The following ADCY2 variants were observed in gnomAD, a reference collection of about 807,000 sequenced individuals.
ADCY2 encodes the protein adenylate cyclase type 2.
ADCY2 carries 31 observed loss-of-function variants against 125.2 expected under a neutral mutation model. The ratio of observed to expected loss-of-function variants is 0.25; its 90% CI spans 0.19 to 0.33. The LOEUF (loss-of-function observed/expected upper bound fraction) is 0.33. Ranked by LOEUF, ADCY2 falls within the 10% of genes least tolerant of loss-of-function variation. The pLI is 1.00. For missense variants in ADCY2, 904 were observed against 1,418.2 expected (o/e 0.64, Z 5.82); for synonymous variants, 512 against 548.4 (o/e 0.93, Z 0.93).
At chr5:7,565,805 T>C (rs913839797) in intron 3 of ADCY2, among the ~76,000 whole-genome samples, 7 of 152,152 alleles carry the variant, frequency 4.6e-5, no homozygotes, top group Non-Finnish European at 8.8e-5. Flanking sequence ...AGAAACCGCA[T>C]TGCCAAATGA....
chr5:7,787,687 TAGA>T (rs1744124202), intron 19 of ADCY2, among the ~76,000 whole-genome samples: 1 of 66,630 alleles, frequency 1.5e-5, no homozygotes, highest in Admixed American at 2.3e-4. Flanking sequence ...GGTAGGTAGA[TAGA>T]TAGGTAGATA....
intron 1 of ADCY2, among the ~76,000 whole-genome samples, chr5:7,402,649 T>C (rs1739308238): frequency 6.6e-6 from 1 of 152,148 alleles, no homozygotes; most frequent in East Asian, 1.9e-4. Context: ...CTCATAGAGA[T>C]GTGTAAGGCA....
chr5:7,512,237 A>G (rs999241867), intron 2 of ADCY2, among the ~76,000 whole-genome samples: 2 of 149,802 alleles, frequency 1.3e-5, no homozygotes, highest in East Asian at 1.9e-4. Context: ...AAAAAAAAAA[A>G]AAAGAAAACC....
intron 2 of ADCY2, among the ~76,000 whole-genome samples, chr5:7,468,257 C>A (rs527374282): frequency 5.9e-5 from 9 of 152,022 alleles, no homozygotes; most frequent in Non-Finnish European, 1.5e-5. Flanking sequence ...GAATTAAAAT[C>A]GGAGACAGGG....
chr5:7,436,926 T>C (rs1740826504), intron 2 of ADCY2, among the ~76,000 whole-genome samples: 1 of 152,128 alleles, frequency 6.6e-6, no homozygotes, highest in Admixed American at 6.5e-5. Flanking sequence ...ACCTTCCCCA[T>C]GCTGAGTGGT....
At chr5:7,716,785 A>G (rs1260482145) in intron 11 of ADCY2, among the ~76,000 whole-genome samples, 1 of 152,222 alleles carries the variant, frequency 6.6e-6, no homozygotes, top group East Asian at 1.9e-4. Flanking sequence ...GTAGAATGAT[A>G]GATACCAGAG....
chr5:7,808,969 A>G (rs183463672), intron 22 of ADCY2, among the ~76,000 whole-genome samples: 1 of 152,354 alleles, frequency 6.6e-6, no homozygotes, highest in Non-Finnish European at 1.5e-5. Flanking sequence ...ACTGCTTATT[A>G]CTTACTATTA....
At chr5:7,772,106 C>T (rs1356725524) in intron 17 of ADCY2, among the ~76,000 whole-genome samples, 1 of 152,162 alleles carries the variant, frequency 6.6e-6, no homozygotes, top group African/African-American at 2.4e-5. Flanking sequence ...TATGATTACC[C>T]TCATTTTACA....
rs369517622 is a variant in ADCY2 at position 7,542,773 on chromosome 5, A to G, written c.570+21874A>G. On this transcript the variant is annotated intron_variant, in intron 3 of 24. Coordinates refer to ENST00000338316, the MANE Select transcript of ADCY2 (RefSeq NM_020546.3). ...AAAGTCAAACTGATTGTAAGTGTCA[A>G]TCACTTCTGCACAATACCTCCACAG... Among the ~76,000 whole-genome samples the G allele has an allele frequency of 1.2e-3, 187 of 152,318 alleles. 1 individual carries two copies. Among genetic ancestry groups the G allele is most frequent in the African/African-American group, 4.2e-3 (176 of 41,566 alleles).
chr5:7,404,988 TA>T (rs982627219), intron 1 of ADCY2, among the ~76,000 whole-genome samples: 4 of 152,204 alleles, frequency 2.6e-5, no homozygotes, highest in African/African-American at 7.2e-5. Context: ...ATGATCATCC[TA>T]AAAGAAAAAG....
At chr5:7,731,750 C>T (rs1472980049) in intron 14 of ADCY2, among the ~76,000 whole-genome samples, 1 of 152,030 alleles carries the variant, frequency 6.6e-6, no homozygotes, top group Non-Finnish European at 1.5e-5. Flanking sequence ...ATTACAAGCA[C>T]CTGCCACTGC....
intron 4 of ADCY2, among the ~76,000 whole-genome samples, chr5:7,663,180 G>A (rs763166235): frequency 2.6e-5 from 4 of 152,210 alleles, no homozygotes; most frequent in Non-Finnish European, 4.4e-5. Context: ...AATTACTACA[G>A]TAGACAGAGT....
At chr5:7,793,662 T>C (rs566090638) in intron 20 of ADCY2, 1 of 152,332 alleles carries the variant, frequency 6.6e-6, no homozygotes, top group Non-Finnish European at 1.5e-5. Flanking sequence ...AATGGGAACA[T>C]TTAGATGAAG....
chr5:7,634,412 A>G (rs1421084690), intron 4 of ADCY2, among the ~76,000 whole-genome samples: 1 of 152,164 alleles, frequency 6.6e-6, no homozygotes, highest in Non-Finnish European at 1.5e-5. Context: ...ATTTTATTTT[A>G]TCCTAGAACT....
intron 3 of ADCY2, among the ~76,000 whole-genome samples, chr5:7,571,947 T>A (rs1561101752): frequency 6.6e-6 from 1 of 152,314 alleles, no homozygotes; most frequent in Middle Eastern, 3.4e-3. Flanking sequence ...GCTTCATCCA[T>A]GTCCCTGCAA....
At chr5:7,543,729 G>A (rs1385717607) in intron 3 of ADCY2, among the ~76,000 whole-genome samples, 1 of 151,968 alleles carries the variant, frequency 6.6e-6, no homozygotes, top group East Asian at 1.9e-4. Context: ...GTCCCCATTG[G>A]CCAGGCACAG....
chr5:7,397,867 C>G (rs918186538), intron 1 of ADCY2, among the ~76,000 whole-genome samples: 1 of 152,118 alleles, frequency 6.6e-6, no homozygotes, highest in South Asian at 2.1e-4. Flanking sequence ...TCCCTGTAGT[C>G]TAGATAGGAG....
chr5:7,508,674 G>T (rs966236353), intron 2 of ADCY2, among the ~76,000 whole-genome samples: 6 of 152,202 alleles, frequency 3.9e-5, no homozygotes, highest in African/African-American at 1.4e-4. Context: ...GCCCAGGTGG[G>T]TGGGGAGCAC....
chr5:7,610,935 A>G (rs1055870539), intron 3 of ADCY2, among the ~76,000 whole-genome samples: 1 of 152,060 alleles, frequency 6.6e-6, no homozygotes, highest in South Asian at 2.1e-4. Flanking sequence ...TTTCGGTTCT[A>G]CTCCCAAGTG....
Sources: gnomAD v4.1 joint callset for allele counts (sites outside exome capture counted in the v4.1 genomes callset) on GRCh38, gnomAD v4.1.1 for gene constraint, MANE v1.5 for transcripts, NCBI Gene and HGNC (gene_info 2026-07-23, HGNC 2026-07-21) for gene names.